The following TMEM135 variants were observed in gnomAD, a reference collection of about 807,000 sequenced individuals.
TMEM135 encodes transmembrane protein 135.
A neutral mutation model predicts 60.3 loss-of-function variants in TMEM135; 30 were observed. The observed-to-expected ratio is 0.50, with a 90% CI of 0.37 to 0.68. The LOEUF (loss-of-function observed/expected upper bound fraction) is 0.68. Among genes scored for constraint, TMEM135 ranks in the 30% least tolerant of loss-of-function variants. The pLI is 0.00. For missense variants in TMEM135, 468 were observed against 548.8 expected, an observed-to-expected ratio of 0.85 and a Z score of 1.47; for synonymous variants, 190 against 186.7, an observed-to-expected ratio of 1.02 and a Z score of -0.14.
intron 1 of TMEM135, among the ~76,000 whole-genome samples, chr11:87,054,237 C>G (rs1949870287): frequency 2.6e-5 from 4 of 151,812 alleles, no homozygotes; most frequent in Admixed American, 1.3e-4. Context: ...GAGTTCGAGA[C>G]CAGCCTGGCC....
chr11:87,142,534 T>C (rs1354855208), intron 4 of TMEM135, among the ~76,000 whole-genome samples: 1 of 152,236 alleles, frequency 6.6e-6, no homozygotes, highest in Non-Finnish European at 1.5e-5. Flanking sequence ...TCGAGAAGTC[T>C]GCCATTAATT....
chr11:87,096,690 C>T (rs1388611130), intron 4 of TMEM135: 1 of 152,120 alleles, frequency 6.6e-6, no homozygotes, highest in East Asian at 1.9e-4. Flanking sequence ...AGTTATGTTG[C>T]ATTTATAATA....
chr11:87,242,072 G>T (rs1439174432), intron 6 of TMEM135, among the ~76,000 whole-genome samples: 1 of 149,262 alleles, frequency 6.7e-6, no homozygotes, highest in Non-Finnish European at 1.5e-5. Context: ...TCATTGTTCA[G>T]TTCCCACCTA....
Position 87,038,106 on chromosome 11 carries a change from C to G in TMEM135, c.61C>G (p.Pro21Ala), listed in dbSNP as rs772060109. 3 of 1,614,048 alleles carry G rather than the reference C, an allele frequency of 1.9e-6. No homozygotes were observed. Among genetic ancestry groups the G allele is most frequent in the African/African-American group, 2.7e-5 (2 of 74,912 alleles). Residue 21 changes from proline to alanine, a missense_variant, in exon 1 of 15, where the codon CCT becomes GCT. Physicochemically the swap from Pro to Ala is conservative, Grantham distance 27. Transcript: ENST00000305494. ...NCYEIGHTWH[P>A]SCRVSFLQIT... is the part of the protein sequence containing the mutation. Reference sequence around the variant, plus strand: ...CTATGAGATCGGCCACACTTGGCACCCTTCCTGCCGGGTCTCCTTCCTGCA... The same window carrying G: ...CTATGAGATCGGCCACACTTGGCACGCTTCCTGCCGGGTCTCCTTCCTGCA...
At chr11:87,042,954 G>GTT (rs201655891) in intron 1 of TMEM135, among the ~76,000 whole-genome samples, 30 of 125,410 alleles carry the variant, frequency 2.4e-4, no homozygotes, top group African/African-American at 8.7e-4. Flanking sequence ...CTGTAGTTTT[G>GTT]TTTTGTTTTT....
At chr11:87,080,836 G>A (rs987633908) in intron 3 of TMEM135, among the ~76,000 whole-genome samples, 1 of 152,032 alleles carries the variant, frequency 6.6e-6, no homozygotes, top group African/African-American at 2.4e-5. Flanking sequence ...ACAGGCACGT[G>A]CCACCACGCC....
intron 7 of TMEM135, among the ~76,000 whole-genome samples, chr11:87,296,530 T>C (rs1260884542): frequency 2.0e-5 from 3 of 152,186 alleles, no homozygotes; most frequent in African/African-American, 7.2e-5. Context: ...GGACATATAG[T>C]AGATGCTTGG....
intron 4 of TMEM135, among the ~76,000 whole-genome samples, chr11:87,129,016 T>G (rs12575986): frequency 0.025 from 1,041 of 42,234 alleles, 3 homozygotes; most frequent in Admixed American, 0.042. Flanking sequence ...TTTTTTTTTG[T>G]TTTTTTTTTA....
At position 87,287,941 on chromosome 11, in the gene TMEM135, C is replaced by G. The variant is rs572276715; in HGVS notation, c.510-7841C>G. 8.5e-5 allele frequency among the ~76,000 whole-genome samples: 13 copies of G among 152,146 alleles called. 1 individual carries two copies. The South Asian group carries it at 2.7e-3, about 32-fold the overall frequency. ...AACTTTTGCCCTGTTCAATCTGTTC[C>G]TAAATGATCAAGAATTGATTTTTAA... On this transcript the variant is annotated intron_variant, in intron 6 of 14. Transcript: ENST00000305494.
chr11:87,174,450 A>G (rs938792194), intron 5 of TMEM135, among the ~76,000 whole-genome samples: 1 of 152,110 alleles, frequency 6.6e-6, no homozygotes, highest in East Asian at 1.9e-4. Context: ...CAAAGTGTAT[A>G]CTTAGTAAGC....
chr11:87,053,995 A>G (rs1476729988), intron 1 of TMEM135, among the ~76,000 whole-genome samples: 2 of 152,224 alleles, frequency 1.3e-5, no homozygotes. Context: ...GTGAGCCTGA[A>G]TAATTAATGA....
rs1411268369 is a variant in TMEM135, at chr11:87,323,190, TC to T, written c.*1858del. On this transcript the variant is annotated 3_prime_UTR_variant, in exon 15 of 15. Coordinates refer to ENST00000305494, the MANE Select transcript of TMEM135 (RefSeq NM_022918.4). The stretch of plus-strand genomic sequence containing the variant: ...AGATTGTTTAGTAAAATTTTGCTGG[TC>T]AAAAAGGTGTATTTCTACAATTTAC... The T allele has an allele frequency of 2.2e-6, 1 of 453,944 alleles. No homozygotes were observed. The allele number at this position is 453,944 out of a possible 1,614,324, so 28.1% of individuals were successfully genotyped here. A position where few individuals can be genotyped will look rare whatever the true frequency, so the allele number is the denominator to read the frequency against.
chr11:87,248,475 T>A (rs776534004), intron 6 of TMEM135, among the ~76,000 whole-genome samples: 22 of 152,230 alleles, frequency 1.4e-4, no homozygotes, highest in Non-Finnish European at 2.9e-4. Flanking sequence ...CCTTCTTATA[T>A]ACCTGCTTGC....
intron 5 of TMEM135, among the ~76,000 whole-genome samples, chr11:87,213,530 A>G (rs566218413): frequency 5.3e-5 from 8 of 152,346 alleles, no homozygotes; most frequent in African/African-American, 1.9e-4. Flanking sequence ...TCTGCAGAAG[A>G]TTAATTTTCA....
intron 2 of TMEM135, among the ~76,000 whole-genome samples, chr11:87,070,329 T>C (rs1383552400): frequency 6.6e-6 from 1 of 152,136 alleles, no homozygotes; most frequent in Non-Finnish European, 1.5e-5. Flanking sequence ...GAAAAAAAAC[T>C]TCCTCATGTC....
chr11:87,121,797 GC>G (rs1423487620), intron 4 of TMEM135, among the ~76,000 whole-genome samples: 1 of 151,972 alleles, frequency 6.6e-6, no homozygotes, highest in Non-Finnish European at 1.5e-5. Flanking sequence ...ACGCCACCAA[GC>G]CTGACTAATT....
At chr11:87,113,351 C>T (rs1303847589) in intron 4 of TMEM135, among the ~76,000 whole-genome samples, 1 of 151,936 alleles carries the variant, frequency 6.6e-6, no homozygotes, top group Non-Finnish European at 1.5e-5. Context: ...TAAAATGCAC[C>T]TTGACAATGT....
intron 5 of TMEM135, among the ~76,000 whole-genome samples, chr11:87,211,121 A>T (rs2135342977): frequency 6.6e-6 from 1 of 152,326 alleles, no homozygotes; most frequent in Non-Finnish European, 1.5e-5. Context: ...CTCCTATTCA[A>T]TGTACTTCGA....
intron 5 of TMEM135, among the ~76,000 whole-genome samples, chr11:87,185,869 A>G (rs148908132): frequency 1.0e-3 from 153 of 150,280 alleles, no homozygotes; most frequent in African/African-American, 3.5e-3. Context: ...GAAATCATAG[A>G]TTTAAACATA....
Sources: allele counts gnomAD v4.1 joint callset (sites outside exome capture counted in the v4.1 genomes callset), GRCh38; gene constraint gnomAD v4.1.1; transcripts MANE v1.5; gene names NCBI Gene and HGNC (gene_info 2026-07-23, HGNC 2026-07-21).